SGCD: variants seen among roughly 807,000 people sequenced by gnomAD.
SGCD encodes sarcoglycan delta.
Under a neutral mutation model 36.6 loss-of-function variants are expected in SGCD, and 18 were observed. The ratio of observed to expected loss-of-function variants is 0.49; its 90% CI spans 0.34 to 0.73. The LOEUF (loss-of-function observed/expected upper bound fraction) is 0.73, where lower values mean the gene tolerates loss of function less well. Ranked by LOEUF, SGCD falls within the 30% of genes least tolerant of loss-of-function variation. SGCD has a pLI of 0.01. For synonymous variants in SGCD, 133 were observed against 130.6 expected (o/e 1.02, Z -0.12); for missense variants, 387 against 346.7 (o/e 1.12, Z -0.92).
At chr5:156,635,168 C>T (rs1471984105) in intron 6 of SGCD, among the ~76,000 whole-genome samples, 1 of 152,114 alleles carries the variant, frequency 6.6e-6, no homozygotes, top group African/African-American at 2.4e-5. Flanking sequence ...AGGCTGCAGT[C>T]AGCTGTGATC....
intron 1 of SGCD, among the ~76,000 whole-genome samples, chr5:156,012,448 G>A (rs1758880159): frequency 6.6e-6 from 1 of 152,122 alleles, no homozygotes; most frequent in Non-Finnish European, 1.5e-5. Flanking sequence ...TTGTATAGAG[G>A]TGGAAATGTA....
Position 156,758,389 on chromosome 5 carries a change from GTT to G in SGCD, c.699+697_699+698del, listed in dbSNP as rs3839272. ...AATCATAGAGTTAAAAAATCTGTGT[GTT>G]TTTTTTTTTTTAAGAAAAATGCTAT... On this transcript the variant is annotated intron_variant, in intron 8 of 8. Transcript: ENST00000337851. Among the ~76,000 whole-genome samples the G allele has an allele frequency of 4.7e-3, 666 of 140,848 alleles. 5 individuals carry two copies. The highest frequency in any genetic ancestry group is 0.015 in the African/African-American group (567 of 36,644). The allele number at this position is 140,848 out of a possible 152,430, so 92.4% of individuals were successfully genotyped here. A position where few individuals can be genotyped will look rare whatever the true frequency, so the allele number is the denominator to read the frequency against.
At chr5:156,370,019 G>A (rs1770298579) in intron 3 of SGCD, among the ~76,000 whole-genome samples, 1 of 152,098 alleles carries the variant, frequency 6.6e-6, no homozygotes, top group South Asian at 2.1e-4. Flanking sequence ...ATTCTTTTCT[G>A]CTCTAAATTG....
At chr5:156,432,146 C>T (rs560118540) in intron 3 of SGCD, among the ~76,000 whole-genome samples, 2 of 152,310 alleles carry the variant, frequency 1.3e-5, no homozygotes, top group East Asian at 3.9e-4. Flanking sequence ...GCAGTGGATA[C>T]CAGCATCTGC....
chr5:155,949,099 A>G (rs1656543313), intron 1 of SGCD, among the ~76,000 whole-genome samples: 1 of 152,162 alleles, frequency 6.6e-6, no homozygotes, highest in African/African-American at 2.4e-5. Flanking sequence ...CTAAATACTG[A>G]TTGCTGCATT....
chr5:156,032,706 CAAAAAAAA>C lies in SGCD; in HGVS notation c.-281-85149_-281-85142del, dbSNP rs1171072619. On this transcript the variant is annotated intron_variant, in intron 1 of 9. Transcript: ENST00000517913. Reference sequence around the variant, plus strand: ...TGGGCGACAGAGCAAGACTCCGTCTCAAAAAAAAAAAAAAAAAAAAAAAAAAAAAAGAG... The same window carrying C: ...TGGGCGACAGAGCAAGACTCCGTCTCAAAAAAAAAAAAAAAAAAAAAAGAG... 8.9e-3 allele frequency among the ~76,000 whole-genome samples: 134 copies of C among 15,056 alleles called. 3 individuals carry two copies. The highest frequency in any genetic ancestry group is 0.019 in the African/African-American group (124 of 6,698). The allele number at this position is 15,056 out of a possible 152,430, so 9.9% of individuals were successfully genotyped here. A position where few individuals can be genotyped will look rare whatever the true frequency, so the allele number is the denominator to read the frequency against.
intron 2 of SGCD, among the ~76,000 whole-genome samples, chr5:156,122,843 TAAAAAAAAA>T (rs33983852): frequency 1.3e-3 from 70 of 54,134 alleles, no homozygotes; most frequent in African/African-American, 4.6e-3. Flanking sequence ...AAAGATGTGG[TAAAAAAAAA>T]AAAAAAAAAA....
At chr5:156,172,248 A>C (rs978039610) in intron 3 of SGCD, among the ~76,000 whole-genome samples, 1 of 152,200 alleles carries the variant, frequency 6.6e-6, no homozygotes, top group Non-Finnish European at 1.5e-5. Flanking sequence ...GAGCCATTGC[A>C]CTCCAGCCTA....
intron 3 of SGCD, among the ~76,000 whole-genome samples, chr5:156,485,241 T>G (rs563499681): frequency 6.6e-6 from 1 of 152,338 alleles, no homozygotes; most frequent in Non-Finnish European, 1.5e-5. Flanking sequence ...GGCTTCCTGC[T>G]TGTTAATTTT....
At position 156,425,558 on chromosome 5, in the gene SGCD, G is replaced by T. The variant is rs1032751287; in HGVS notation, c.192+80881G>T. On this transcript the variant is annotated intron_variant, in intron 3 of 8. Coordinates refer to ENST00000337851, the MANE Select transcript of SGCD (RefSeq NM_000337.6). ...ATTTTTTTCTCTACTTGGATGACGG[G>T]TTTTTTTTATTTAATTTCCATAGTT... 4.0e-5 allele frequency among the ~76,000 whole-genome samples: 6 copies of T among 151,580 alleles called. No individual in the cohort carries two copies. In the East Asian group the frequency reaches 5.8e-4, roughly 15 times the overall value.
chr5:155,971,577 A>G (rs1029828865), intron 1 of SGCD, among the ~76,000 whole-genome samples: 1 of 152,144 alleles, frequency 6.6e-6, no homozygotes, highest in Admixed American at 6.6e-5. Context: ...CAATTGATGT[A>G]TGATTTGTTG....
the SGCD span, among the ~76,000 whole-genome samples, chr5:155,824,346 C>T: frequency 6.6e-6 from 1 of 151,998 alleles, no homozygotes; most frequent in African/African-American, 2.4e-5. Context: ...AGAATATTAA[C>T]AAAACAGAAT....
intron 3 of SGCD, among the ~76,000 whole-genome samples, chr5:156,226,067 A>G (rs1486232486): frequency 6.6e-6 from 1 of 152,016 alleles, no homozygotes. Flanking sequence ...CTTCTTTTTA[A>G]TTTGTTTTTA....
intron 6 of SGCD, among the ~76,000 whole-genome samples, chr5:156,627,990 C>T (rs1762496333): frequency 6.6e-6 from 1 of 152,098 alleles, no homozygotes; most frequent in Non-Finnish European, 1.5e-5. Context: ...GTTTAATTGG[C>T]TCACAGTTCT....
At chr5:156,643,808 A>G (rs1763129686) in intron 6 of SGCD, among the ~76,000 whole-genome samples, 2 of 152,110 alleles carry the variant, frequency 1.3e-5, no homozygotes, top group Non-Finnish European at 2.9e-5. Flanking sequence ...GTAAAATATC[A>G]TTGTTATTAA....
At chr5:156,392,724 G>C (rs183285065) in intron 3 of SGCD, among the ~76,000 whole-genome samples, 3 of 152,158 alleles carry the variant, frequency 2.0e-5, no homozygotes, top group African/African-American at 7.2e-5. Context: ...TCAGCAGGTA[G>C]GGTAGCCAGA....
intron 1 of SGCD, among the ~76,000 whole-genome samples, chr5:156,081,415 A>G (rs1290665191): frequency 6.6e-6 from 1 of 151,968 alleles, no homozygotes; most frequent in Non-Finnish European, 1.5e-5. Flanking sequence ...TTTCTTTGAG[A>G]CAGGGTCTCA....
At chr5:156,606,506 T>C (rs1235057713) in intron 6 of SGCD, among the ~76,000 whole-genome samples, 1 of 152,208 alleles carries the variant, frequency 6.6e-6, no homozygotes, top group Non-Finnish European at 1.5e-5. Context: ...TTCTTTTAGC[T>C]TAGGATTGAC....
chr5:156,619,586 C>T (rs530376783), intron 6 of SGCD, among the ~76,000 whole-genome samples: 8 of 152,272 alleles, frequency 5.3e-5, no homozygotes, highest in South Asian at 2.1e-4. Flanking sequence ...AATTATATTA[C>T]GCTTGTAGAA....
Sources: gnomAD v4.1 joint callset for allele counts (sites outside exome capture counted in the v4.1 genomes callset) on GRCh38, gnomAD v4.1.1 for gene constraint, MANE v1.5 for transcripts, NCBI Gene and HGNC (gene_info 2026-07-23, HGNC 2026-07-21) for gene names.